Variants in UGT1A3 observed in about 807,000 individuals in gnomAD.
UGT1A3 encodes UDP-glucuronosyltransferase 1A3.
UGT1A3 carries 31 observed loss-of-function variants against 41.0 expected under a neutral mutation model. That is an observed-to-expected ratio of 0.76 (90% CI 0.57 to 1.02). The LOEUF (loss-of-function observed/expected upper bound fraction) is 1.02, where lower values mean the gene tolerates loss of function less well. Ranked by LOEUF, UGT1A3 falls within the 50% of genes least tolerant of loss-of-function variation. The pLI is 0.00. For synonymous variants in UGT1A3, 262 were observed against 257.6 expected, an observed-to-expected ratio of 1.02 and a Z score of -0.17; for missense variants, 737 against 671.0, an observed-to-expected ratio of 1.10 and a Z score of -1.09.
At chr2:233,754,435 GTTT>G (rs1438333697) in intron 1 of UGT1A3, 18 of 350,500 alleles carry the variant, frequency 5.1e-5, no homozygotes, top group Non-Finnish European at 5.6e-6. Context: ...GGCATAAAGT[GTTT>G]ATAAATTCTT....
chr2:233,756,514 G>A (rs1394281486), intron 1 of UGT1A3, among the ~76,000 whole-genome samples: 1 of 152,030 alleles, frequency 6.6e-6, no homozygotes, highest in African/African-American at 2.4e-5. Context: ...AGGGTCAAAT[G>A]TGCATGTTAT....
chr2:233,769,456 T>C lies in UGT1A3; in HGVS notation c.1307+1017T>C, dbSNP rs1699869173. On this transcript the variant is annotated intron_variant, in intron 4 of 4. Coordinates refer to ENST00000482026, the MANE Select transcript of UGT1A3 (RefSeq NM_019093.4). This position sits in a 1 kb window ranked among gnomAD's most constrained non-coding sequence, Gnocchi z 4.4. ...TCATGTGTGGGTGCACACGTGTGCA[T>C]TCATATGCGTGTGTGTGTGTGTGCG... 2 of 1,598,818 alleles carry C rather than the reference T, an allele frequency of 1.3e-6. No homozygotes were observed. The highest frequency in any genetic ancestry group is 2.2e-5 in the East Asian group (1 of 44,796).
At chr2:233,745,642 G>A (rs1693169772) in intron 1 of UGT1A3, among the ~76,000 whole-genome samples, 2 of 151,344 alleles carry the variant, frequency 1.3e-5, no homozygotes, top group Admixed American at 1.3e-4. Context: ...GCTGGCCGAG[G>A]GTAGAGTTCA....
At chr2:233,744,020 A>G (rs772396813) in intron 1 of UGT1A3, 334 of 991,812 alleles carry the variant, frequency 3.4e-4, no homozygotes, top group East Asian at 3.5e-4. Context: ...CCGCCTGGAG[A>G]GACGCCCCTT....
chr2:233,755,134 ATCT>A (rs1231510836), intron 1 of UGT1A3: 15 of 1,316,668 alleles, frequency 1.1e-5, no homozygotes, highest in Non-Finnish European at 1.5e-5. Flanking sequence ...ACCTGCTTGA[ATCT>A]TCTCACCGCT....
In UGT1A3 at chr2:233,740,456, A is replaced by T. The variant is rs1042251699; in HGVS notation, c.867+10463A>T. ...GAAAGTGGAATCAGAGGAGAAGAAG[A>T]TGATGGACAGAAAGGATCATTCCCT... On this transcript the variant is annotated intron_variant, in intron 1 of 4. Transcript: ENST00000482026. 7.2e-5 allele frequency among the ~76,000 whole-genome samples: 11 copies of T among 151,968 alleles called. 1 individual carries two copies. The highest frequency in any genetic ancestry group is 2.4e-4 in the African/African-American group (10 of 41,218).
At chr2:233,767,305 G>T (rs907806050) in intron 2 of UGT1A3, 140 bp downstream of exon 2, 20 of 1,519,058 alleles carry the variant, frequency 1.3e-5, no homozygotes, top group Non-Finnish European at 1.7e-5. Context: ...TAATCCAAAG[G>T]TTTTTTTTGT....
chr2:233,770,795 G>A (rs1575855208), intron 4 of UGT1A3: 1 of 152,228 alleles, frequency 6.6e-6, no homozygotes, highest in East Asian at 1.9e-4. Flanking sequence ...TTATAGATAT[G>A]TTTAAAGACA....
intron 1 of UGT1A3, among the ~76,000 whole-genome samples, chr2:233,745,604 G>A (rs908621602): frequency 6.6e-6 from 1 of 151,572 alleles, no homozygotes; most frequent in African/African-American, 2.4e-5. Flanking sequence ...TTGGCACTTG[G>A]TAAGCACACA....
chr2:233,755,145 G>C, intron 1 of UGT1A3: 1 of 1,302,778 alleles, frequency 7.7e-7, no homozygotes, highest in Non-Finnish European at 1.0e-6. Context: ...TCTTCTCACC[G>C]CTTCCTCCCT....
intron 1 of UGT1A3, among the ~76,000 whole-genome samples, chr2:233,736,536 T>C (rs1265861368): frequency 6.6e-6 from 1 of 152,240 alleles, no homozygotes; most frequent in African/African-American, 2.4e-5. Flanking sequence ...TCATTCTCTT[T>C]CCAGCTTTGC....
intron 1 of UGT1A3, chr2:233,750,587 G>A (rs1381403597): frequency 6.6e-6 from 1 of 151,948 alleles, no homozygotes; most frequent in East Asian, 1.9e-4. Flanking sequence ...AGGCCTGGAG[G>A]CCTAGGAAGG....
chr2:233,762,997 ATCATT>A (rs1212266483), intron 1 of UGT1A3, among the ~76,000 whole-genome samples: 2 of 152,206 alleles, frequency 1.3e-5, no homozygotes, highest in African/African-American at 4.8e-5. Context: ...GAAATTGATT[ATCATT>A]TCATTATTTT....
intron 4 of UGT1A3, among the ~76,000 whole-genome samples, 182 bp downstream of exon 4, chr2:233,768,621 C>T (rs186985441): frequency 1.7e-5 from 2 of 116,022 alleles, no homozygotes; most frequent in East Asian, 2.7e-4. Flanking sequence ...GAGTCTTGCT[C>T]TGTCACCTAG....
chr2:233,729,959 G>A lies in UGT1A3; in HGVS notation c.833G>A (p.Gly278Asp), dbSNP rs1416622482. The A allele has an allele frequency of 8.1e-6, 13 of 1,613,900 alleles. No individual in the cohort carries two copies. The highest frequency in any genetic ancestry group is 2.2e-5 in the East Asian group (1 of 44,890). Residue 278 changes from glycine to aspartate, a missense_variant, in exon 1 of 5, where the codon GGC becomes GAC. By Grantham distance (94) the Gly-to-Asp change is moderately conservative (BLOSUM62 -1). Transcript: ENST00000482026. ...PIMPNMVFIG[G>D]INCANRKPLS... ...ATGCCCAACATGGTCTTCATTGGGGGCATCAACTGTGCCAACAGGAAGCCA... is the reference window on the plus strand; with the variant it reads ...ATGCCCAACATGGTCTTCATTGGGGACATCAACTGTGCCAACAGGAAGCCA...
chr2:233,740,214 A>G (rs2018985), intron 1 of UGT1A3, among the ~76,000 whole-genome samples: 70,303 of 151,600 alleles, frequency 0.46, 18,208 homozygotes, highest in African/African-American at 0.69. Flanking sequence ...ACCCAGTCTC[A>G]GCTGCGTCTT....
At chr2:233,770,636 C>A (rs184236335) in intron 4 of UGT1A3, 1 of 149,556 alleles carries the variant, frequency 6.7e-6, no homozygotes, top group Non-Finnish European at 1.5e-5. Context: ...CCAGCCTGGG[C>A]GACAGAGTGA....
At chr2:233,756,127 T>C (rs1396656487) in intron 1 of UGT1A3, 2 of 152,258 alleles carry the variant, frequency 1.3e-5, no homozygotes, top group African/African-American at 4.8e-5. Context: ...TGTAAAATTC[T>C]CCTGAAAAAT....
At position 233,772,459 on chromosome 2, in the gene UGT1A3, C is replaced by G. The variant is rs1268705566; in HGVS notation, c.1505C>G (p.Thr502Arg). The change falls in exon 5 of 5, where the codon ACA becomes AGA. Residue 502 changes from threonine to arginine, a missense_variant. Coordinates refer to ENST00000482026, the MANE Select transcript of UGT1A3 (RefSeq NM_019093.4). ...VIGFLLAVVL[T>R]VAFITFKCCA... is the part of the protein sequence containing the mutation. Reference sequence around the variant, plus strand: ...GGTTTCCTCTTGGCCGTCGTGCTGACAGTGGCCTTCATCACCTTTAAATGT... The same window carrying G: ...GGTTTCCTCTTGGCCGTCGTGCTGAGAGTGGCCTTCATCACCTTTAAATGT... 5 of 1,614,074 alleles carry G rather than the reference C, an allele frequency of 3.1e-6. No individual in the cohort carries two copies. In the Admixed American group the frequency reaches 8.3e-5, roughly 27 times the overall value.
Sources: gnomAD v4.1 joint callset for allele counts (sites outside exome capture counted in the v4.1 genomes callset) on GRCh38, gnomAD v4.1.1 for gene constraint, Gnocchi (gnomAD v3.1) non-coding constraint, MANE v1.5 for transcripts, NCBI Gene and HGNC (gene_info 2026-07-23, HGNC 2026-07-21) for gene names.